The following GIGYF2 variants were observed in gnomAD, a reference collection of about 807,000 sequenced individuals.
The protein encoded by GIGYF2 is GRB10-interacting GYF protein 2.
GIGYF2 carries 25 observed loss-of-function variants against 208.1 expected under a neutral mutation model. That is an observed-to-expected ratio of 0.12 (90% CI 0.09 to 0.17). The LOEUF (loss-of-function observed/expected upper bound fraction) is 0.17. Ranked by LOEUF, GIGYF2 falls within the 10% of genes least tolerant of loss-of-function variation. The pLI is 1.00. For synonymous variants in GIGYF2, 534 were observed against 543.8 expected (o/e 0.98, Z 0.25); for missense variants, 1,302 against 1,579.4 (o/e 0.82, Z 2.98).
chr2:232,819,845 C>T lies in GIGYF2; in HGVS notation c.2389C>T (p.Gln797Ter). Residue 797 changes from glutamine (Q) to a stop codon, truncating the protein, a stop_gained, in exon 21 of 29, where the codon CAG becomes TAG. Transcript: ENST00000373563. LOFTEE classifies it high-confidence loss of function. ...RRKQEEALRR[Q>*]REQEIALRRQ... ...TCCTTAGGAAGAGGCTCTGCGTCGC[C>T]AGCGGGAGCAAGAAATTGCATTAAG... 7.0e-7 allele frequency: 1 copy of T among 1,432,704 alleles called. No individual in the cohort carries two copies. The highest frequency in any genetic ancestry group is 9.3e-7 in the Non-Finnish European group (1 of 1,069,906). The allele number at this position is 1,432,704 out of a possible 1,614,324, so 88.7% of individuals were successfully genotyped here. A position where few individuals can be genotyped will look rare whatever the true frequency, so the allele number is the denominator to read the frequency against.
chr2:232,737,513 A>G (rs1285038161), intron 3 of GIGYF2, among the ~76,000 whole-genome samples: 2 of 152,158 alleles, frequency 1.3e-5, no homozygotes, highest in African/African-American at 4.8e-5. Context: ...TCATCTGTCA[A>G]AATTCCTTCT....
At chr2:232,809,133 C>T (rs924139609) in intron 15 of GIGYF2, among the ~76,000 whole-genome samples, 42 of 152,110 alleles carry the variant, frequency 2.8e-4, no homozygotes, top group African/African-American at 9.6e-4. Flanking sequence ...TTAGTGGAGA[C>T]GGGGTTTCAT....
In GIGYF2 at chr2:232,736,167, C is replaced by T. The variant is rs781031674; in HGVS notation, c.41+929C>T. Reference sequence around the variant, plus strand: ...GCATTTGGAGACTGAGGAGAAATCACTATTTGAAGTTCTAAGAACCGATGG... The same window carrying T: ...GCATTTGGAGACTGAGGAGAAATCATTATTTGAAGTTCTAAGAACCGATGG... On this transcript the variant is annotated intron_variant, in intron 3 of 28. Coordinates refer to ENST00000373563, the MANE Select transcript of GIGYF2 (RefSeq NM_001103146.3). 294 of 980,822 alleles carry T rather than the reference C, an allele frequency of 3.0e-4. 1 individual carries two copies. The highest frequency in any genetic ancestry group is 3.4e-4 in the Non-Finnish European group (284 of 825,944). 60.8% of individuals were successfully genotyped at this position (980,822 alleles called of 1,614,324 possible). A position where few individuals can be genotyped will look rare whatever the true frequency, so the allele number is the denominator to read the frequency against.
chr2:232,717,571 C>G lies in GIGYF2; in HGVS notation c.-44+14082C>G, dbSNP rs116530200. Among the ~76,000 whole-genome samples the G allele has an allele frequency of 5.1e-3, 777 of 152,166 alleles. 4 individuals are homozygous for G. The highest frequency in any genetic ancestry group is 0.018 in the African/African-American group (753 of 41,520). ...TATTTGTCTTAGTCTGTTTGTGTTGCTATAAAGGAATACCTGAGACTGGGT... is the reference window on the plus strand; with the variant it reads ...TATTTGTCTTAGTCTGTTTGTGTTGGTATAAAGGAATACCTGAGACTGGGT... On this transcript the variant is annotated intron_variant, in intron 2 of 28. Transcript: ENST00000373563.
intron 8 of GIGYF2, chr2:232,768,198 G>C (rs535054686): frequency 6.2e-7 from 1 of 1,613,956 alleles, no homozygotes; most frequent in Admixed American, 1.7e-5. Flanking sequence ...GTCTTATTCT[G>C]TCAGTCCTGT....
Position 232,756,181 on chromosome 2 carries a change from T to G in GIGYF2, c.268-42T>G, listed in dbSNP as rs769785565. Reference sequence around the variant, plus strand: ...TCTGTTTCATCCATTTTTTTCTTTCTTTTTTTCCTTTTTCTCTTTTTTTTT... The same window carrying G: ...TCTGTTTCATCCATTTTTTTCTTTCGTTTTTTCCTTTTTCTCTTTTTTTTT... On this transcript the variant is annotated intron_variant, in intron 5 of 28. Transcript: ENST00000373563. 2.1e-5 allele frequency: 26 copies of G among 1,228,050 alleles called. No homozygotes were observed. The Middle Eastern group carries it at 7.5e-4, about 36-fold the overall frequency. 76.1% of individuals were successfully genotyped at this position (1,228,050 alleles called of 1,614,324 possible).
In GIGYF2 at chr2:232,719,602, T is replaced by C. The variant is rs114131196; in HGVS notation, c.-43-15553T>C. Among the ~76,000 whole-genome samples, 1,089 of 152,076 alleles carry C rather than the reference T, an allele frequency of 7.2e-3. 15 individuals carry two copies. Among genetic ancestry groups the C allele is most frequent in the African/African-American group, 0.024 (1,000 of 41,480 alleles). ...GATAGATGAGGTCCCAAAGAGGAGA[T>C]GAATAGTTAAAATAAAGAGGAAGTC... On this transcript the variant is annotated intron_variant, in intron 2 of 28. Coordinates refer to ENST00000373563, the MANE Select transcript of GIGYF2 (RefSeq NM_001103146.3).
intron 2 of GIGYF2, among the ~76,000 whole-genome samples, chr2:232,726,369 A>G: frequency 1.7e-5 from 1 of 59,030 alleles, no homozygotes; most frequent in East Asian, 4.6e-4. Context: ...GCTCTGTCTC[A>G]AAAAAAAAAA....
At chr2:232,796,306 TATA>T in intron 14 of GIGYF2, 85 bp downstream of exon 14, 1 of 924,530 alleles carries the variant, frequency 1.1e-6, no homozygotes, top group South Asian at 1.3e-5. Context: ...TAATTTAAAT[TATA>T]GTAGAAAAAG....
chr2:232,787,332 A>G lies in GIGYF2; in HGVS notation c.712+3A>G. On this transcript the variant is annotated splice_donor_region_variant and intron_variant, in intron 9 of 28. Coordinates refer to ENST00000373563, the MANE Select transcript of GIGYF2 (RefSeq NM_001103146.3). ...GAGGTGGCGACCTCACAGTCCTGGTAAGAATTCTGTTGAGTAAAGGCACAC... is the reference window on the plus strand; with the variant it reads ...GAGGTGGCGACCTCACAGTCCTGGTGAGAATTCTGTTGAGTAAAGGCACAC... The G allele has an allele frequency of 6.2e-7, 1 of 1,612,280 alleles. No homozygotes were observed. Among genetic ancestry groups the G allele is most frequent in the Non-Finnish European group, 8.5e-7 (1 of 1,178,436 alleles).
Position 232,756,477 on chromosome 2 carries a change from A to G in GIGYF2, c.379+143A>G, listed in dbSNP as rs566792732. On this transcript the variant is annotated intron_variant, in intron 6 of 28. Coordinates refer to ENST00000373563, the MANE Select transcript of GIGYF2 (RefSeq NM_001103146.3). ...CTAAATGTCCTGAATATTTATATTC[A>G]GAACCATTTTTTAGAGGTATCTCCT... 1.3e-5 allele frequency: 7 copies of G among 555,078 alleles called. No homozygotes were observed. The South Asian group carries it at 1.7e-4, about 13-fold the overall frequency. 34.4% of individuals were successfully genotyped at this position (555,078 alleles called of 1,614,324 possible).
At chr2:232,797,489 T>G (rs952462742) in intron 14 of GIGYF2, among the ~76,000 whole-genome samples, 11 of 144,994 alleles carry the variant, frequency 7.6e-5, no homozygotes, top group African/African-American at 1.3e-4. Flanking sequence ...AGAGCAGGGC[T>G]TGTGTGTGTG....
At chr2:232,748,083 A>G (rs1698215371) in intron 4 of GIGYF2, among the ~76,000 whole-genome samples, 1 of 152,084 alleles carries the variant, frequency 6.6e-6, no homozygotes, top group South Asian at 2.1e-4. Context: ...TGTACCTCTT[A>G]TCCTACTTGC....
chr2:232,770,412 G>C (rs559464304), intron 8 of GIGYF2, among the ~76,000 whole-genome samples: 2 of 152,244 alleles, frequency 1.3e-5, no homozygotes, highest in Non-Finnish European at 2.9e-5. Flanking sequence ...TGCTGACTGT[G>C]GTGTTCTGGG....
rs1225135565 is a variant in GIGYF2 at position 232,850,340 on chromosome 2, T to G, written c.3763T>G (p.Phe1255Val). ...TCAAAGCAACAACCAACAATCCAATTTTGAGGCTGTGCAGAGTGGCAAGAA... is the reference window on the plus strand; with the variant it reads ...TCAAAGCAACAACCAACAATCCAATGTTGAGGCTGTGCAGAGTGGCAAGAA... ...TNQSNNQQSN[F>V]EAVQSGKKKK... The change falls in exon 28 of 29, where the codon TTT becomes GTT. Residue 1255 changes from phenylalanine (F) to valine (V), a missense_variant. Around this residue, in one of 8 missense-constraint regions of GIGYF2, gnomAD observed 701 missense variants for 793.0 expected, o/e 0.88. Coordinates refer to ENST00000373563, the MANE Select transcript of GIGYF2 (RefSeq NM_001103146.3). The G allele has an allele frequency of 6.2e-7, 1 of 1,613,892 alleles. No homozygotes were observed. Among genetic ancestry groups the G allele is most frequent in the East Asian group, 2.2e-5 (1 of 44,888 alleles).
intron 4 of GIGYF2, 123 bp downstream of exon 4, chr2:232,747,867 C>T (rs1574832969): frequency 1.1e-6 from 1 of 903,264 alleles, no homozygotes; most frequent in Non-Finnish European, 1.7e-6. Context: ...TCCACCTTAA[C>T]TGTTTCCCTG....
At chr2:232,817,687 G>T (rs1700955514) in intron 20 of GIGYF2, among the ~76,000 whole-genome samples, 1 of 152,156 alleles carries the variant, frequency 6.6e-6, no homozygotes, top group Non-Finnish European at 1.5e-5. Context: ...TATTCATATT[G>T]TAGCATATAT....
At chr2:232,709,781 C>T (rs991136898) in intron 2 of GIGYF2, among the ~76,000 whole-genome samples, 3 of 151,708 alleles carry the variant, frequency 2.0e-5, no homozygotes, top group Non-Finnish European at 4.4e-5. Context: ...TGCACTCCAG[C>T]CTGGGCAACA....
At chr2:232,731,927 T>A (rs1697514888) in intron 2 of GIGYF2, among the ~76,000 whole-genome samples, 2 of 151,606 alleles carry the variant, frequency 1.3e-5, no homozygotes, top group Non-Finnish European at 2.9e-5. Context: ...AATGGATTTT[T>A]ATTAAACAGT....
Sources: gnomAD v4.1 joint callset for allele counts (sites outside exome capture counted in the v4.1 genomes callset) on GRCh38, gnomAD v4.1.1 for gene constraint, gnomAD v4.1.1 regional missense constraint, MANE v1.5 for transcripts, NCBI Gene and HGNC (gene_info 2026-07-23, HGNC 2026-07-21) for gene names.